Variants in FHIP2A observed in about 807,000 individuals in gnomAD.
FHIP2A encodes the protein FHF complex subunit HOOK interacting protein 2A, also known as family with sequence similarity 160 member B1.
FHIP2A carries 46 observed loss-of-function variants against 93.5 expected under a neutral mutation model. The ratio of observed to expected loss-of-function variants is 0.49; its 90% CI spans 0.39 to 0.63. The LOEUF (loss-of-function observed/expected upper bound fraction) is 0.63, where lower values mean the gene tolerates loss of function less well. FHIP2A is among the 20% of genes least tolerant of loss of function. The pLI, the probability that FHIP2A is intolerant of heterozygous loss-of-function variation, is 0.00. For missense variants in FHIP2A, 769 were observed against 909.7 expected, an observed-to-expected ratio of 0.85 and a Z score of 1.99; for synonymous variants, 332 against 326.5, an observed-to-expected ratio of 1.02 and a Z score of -0.18.
At position 114,821,952 on chromosome 10, in the gene FHIP2A, T is replaced by G; in HGVS notation, c.-127T>G. On this transcript the variant is annotated 5_prime_UTR_variant, in exon 1 of 17. Coordinates refer to ENST00000369248, the MANE Select transcript of FHIP2A (RefSeq NM_020940.4). ...GCCAGGCCCTGCCTCGATCCTCAGC[T>G]CGTCCTCCCCGCCCCGCACCGGCCT... is the stretch of plus-strand genomic sequence containing the variant. 1 of 463,538 alleles carries G rather than the reference T, an allele frequency of 2.2e-6. No homozygotes were observed. 28.7% of individuals were successfully genotyped at this position (463,538 alleles called of 1,614,324 possible).
chr10:114,863,814 C>A lies in FHIP2A; in HGVS notation c.*2274C>A. 9.3e-7 allele frequency: 1 copy of A among 1,075,752 alleles called. No individual in the cohort carries two copies. The highest frequency in any genetic ancestry group is 2.5e-5 in the South Asian group (1 of 40,002). The allele number at this position is 1,075,752 out of a possible 1,614,324, so 66.6% of individuals were successfully genotyped here. ...ATGCACTATGCTGAGTGGAAAGCAC[C>A]GTCATAACAATTGATTGCCATAGCA... On this transcript the variant is annotated 3_prime_UTR_variant, in exon 17 of 17. Transcript: ENST00000369248.
intron 5 of FHIP2A, among the ~76,000 whole-genome samples, chr10:114,842,639 C>T (rs933763709): frequency 1.3e-5 from 2 of 151,644 alleles, no homozygotes; most frequent in South Asian, 2.1e-4. Flanking sequence ...AAACTTTTTT[C>T]CTCACTAACA....
At chr10:114,897,365 T>C (rs2084006020) in intron 16 of FHIP2A, among the ~76,000 whole-genome samples, 1 of 152,272 alleles carries the variant, frequency 6.6e-6, no homozygotes, top group Non-Finnish European at 1.5e-5. Flanking sequence ...TCGGTGTACT[T>C]TCGTGGCAAA....
chr10:114,868,343 G>A (rs2083840831), downstream of FHIP2A, among the ~76,000 whole-genome samples: 1 of 152,088 alleles, frequency 6.6e-6, no homozygotes, highest in African/African-American at 2.4e-5. Context: ...CTGTGAACTT[G>A]CATGCGGGGA....
intron 3 of FHIP2A, among the ~76,000 whole-genome samples, chr10:114,835,019 A>T (rs1275226082): frequency 1.3e-5 from 2 of 152,236 alleles, no homozygotes; most frequent in Non-Finnish European, 2.9e-5. Flanking sequence ...GCTCTAATTT[A>T]AAATGATGTT....
intron 16 of FHIP2A, among the ~76,000 whole-genome samples, chr10:114,885,418 A>G (rs1317424135): frequency 6.6e-6 from 1 of 152,038 alleles, no homozygotes; most frequent in East Asian, 1.9e-4. Context: ...AAAAGAAAAA[A>G]AAAAGCAGAT....
chr10:114,891,219 A>ATATATATAT (rs1041197298), intron 16 of FHIP2A, among the ~76,000 whole-genome samples: 2 of 138,466 alleles, frequency 1.4e-5, no homozygotes, highest in Non-Finnish European at 3.1e-5. Context: ...AACAACAACA[A>ATATATATAT]ATATATATAT....
chr10:114,842,024 G>A (rs1012813358), intron 5 of FHIP2A, among the ~76,000 whole-genome samples: 2 of 152,024 alleles, frequency 1.3e-5, no homozygotes, highest in African/African-American at 4.8e-5. Flanking sequence ...TAAAGACACT[G>A]GTAAAAATGT....
At chr10:114,855,103 A>G (rs2083758905) in intron 13 of FHIP2A, 94 bp from the exon 14 acceptor site, 21 of 1,348,832 alleles carry the variant, frequency 1.6e-5, no homozygotes, top group Non-Finnish European at 2.2e-5. Context: ...TCTGCATTCA[A>G]ATGGTTTTTT....
chr10:114,891,575 A>C (rs944070667), intron 16 of FHIP2A, among the ~76,000 whole-genome samples: 2 of 117,252 alleles, frequency 1.7e-5, no homozygotes, highest in African/African-American at 6.9e-5. Flanking sequence ...GTGTGTGTGC[A>C]CGCGTATGTA....
chr10:114,880,313 T>A (rs2083910528), intron 16 of FHIP2A, among the ~76,000 whole-genome samples: 1 of 152,176 alleles, frequency 6.6e-6, no homozygotes, highest in Admixed American at 6.5e-5. Context: ...GTGAATATAT[T>A]AAAAGCCATT....
At chr10:114,870,500 A>T (rs2083854219) in intron 16 of FHIP2A, among the ~76,000 whole-genome samples, 1 of 152,160 alleles carries the variant, frequency 6.6e-6, no homozygotes, top group Non-Finnish European at 1.5e-5. Flanking sequence ...TACTCTCTTG[A>T]CAGGACTTTC....
intron 16 of FHIP2A, among the ~76,000 whole-genome samples, chr10:114,889,553 T>A (rs1456967645): frequency 6.6e-6 from 1 of 152,194 alleles, no homozygotes; most frequent in African/African-American, 2.4e-5. Context: ...ACACTGCTAG[T>A]CATTACACTC....
chr10:114,898,681 CT>C (rs2084012538), intron 16 of FHIP2A, among the ~76,000 whole-genome samples: 1 of 152,064 alleles, frequency 6.6e-6, no homozygotes, highest in African/African-American at 2.4e-5. Context: ...TACATTTTTT[CT>C]CGTTAAATTT....
At chr10:114,895,642 T>A (rs765547916) in intron 16 of FHIP2A, among the ~76,000 whole-genome samples, 6 of 152,136 alleles carry the variant, frequency 3.9e-5, no homozygotes. Flanking sequence ...ACTTTACAGT[T>A]GAAAAAAATT....
At chr10:114,869,403 G>T (rs933164468), downstream of FHIP2A, among the ~76,000 whole-genome samples, 78 of 152,052 alleles carry the variant, frequency 5.1e-4, no homozygotes, top group Non-Finnish European at 1.5e-4. Context: ...AGCATTTATG[G>T]TTCTATATTC....
intron 13 of FHIP2A, among the ~76,000 whole-genome samples, chr10:114,854,510 C>T (rs1009781530): frequency 6.6e-6 from 1 of 151,956 alleles, no homozygotes; most frequent in Non-Finnish European, 1.5e-5. Flanking sequence ...AAAAGAATTC[C>T]TATTGTAGAA....
chr10:114,832,630 G>T (rs2083613801), intron 2 of FHIP2A, among the ~76,000 whole-genome samples: 1 of 151,396 alleles, frequency 6.6e-6, no homozygotes, highest in Non-Finnish European at 1.5e-5. Context: ...TCCTGGTCAT[G>T]TTCCCATTTC....
chr10:114,822,243 T>A (rs1057465550), intron 1 of FHIP2A, 120 bp downstream of exon 1: 11 of 489,078 alleles, frequency 2.2e-5, no homozygotes, highest in Non-Finnish European at 2.6e-5. Flanking sequence ...TGTCCCCGGT[T>A]GGGGTGAGGC....
Sources: allele counts gnomAD v4.1 joint callset (sites outside exome capture counted in the v4.1 genomes callset), GRCh38; gene constraint gnomAD v4.1.1; transcripts MANE v1.5; gene names NCBI Gene and HGNC (gene_info 2026-07-23, HGNC 2026-07-21).